The following SCIMP variants were observed in gnomAD, a reference collection of about 807,000 sequenced individuals.
SCIMP encodes the protein SLP adapter and CSK-interacting membrane protein.
In SCIMP, 18 loss-of-function variants were observed where a neutral mutation model predicts 22.0. The observed-to-expected ratio is 0.82, with a 90% CI of 0.56 to 1.21. The LOEUF is 1.21. SCIMP is among the 50% of genes most tolerant of loss of function. The pLI is 0.00. For missense variants in SCIMP, 155 were observed against 171.2 expected (o/e 0.91, Z 0.53); for synonymous variants, 53 against 62.2 (o/e 0.85, Z 0.70).
intron 1 of SCIMP, 130 bp from the exon 2 acceptor site, chr17:5,223,586 A>G: frequency 1.2e-6 from 1 of 826,664 alleles, no homozygotes; most frequent in Non-Finnish European, 2.0e-6. Context: ...TCTGTCGCCC[A>G]GGCTGGAGTG....
chr17:5,214,010 A>G (rs968257592), intron 4 of SCIMP: 5 of 152,222 alleles, frequency 3.3e-5, no homozygotes, highest in Non-Finnish European at 5.9e-5. Context: ...CCTTGTAAGA[A>G]GAAACACCAG....
chr17:5,230,074 G>A (rs74620480), intron 1 of SCIMP, among the ~76,000 whole-genome samples: 5,968 of 151,708 alleles, frequency 0.039, 407 homozygotes, highest in African/African-American at 0.14. Context: ...GTGATCCTCC[G>A]CCCCAGCCTC....
chr17:5,218,305 A>G (rs1009934160), intron 3 of SCIMP, among the ~76,000 whole-genome samples: 1 of 150,798 alleles, frequency 6.6e-6, no homozygotes, highest in East Asian at 2.0e-4. Flanking sequence ...GATTATAGGC[A>G]TGAACCACTG....
chr17:5,229,897 C>T (rs2074681140), intron 1 of SCIMP, among the ~76,000 whole-genome samples: 1 of 149,174 alleles, frequency 6.7e-6, no homozygotes, highest in African/African-American at 2.5e-5. Context: ...CCACTCCTCT[C>T]CTCTCCGGTC....
intron 2 of SCIMP, 81 bp from the exon 3 acceptor site, chr17:5,221,431 T>A: frequency 9.8e-7 from 1 of 1,018,458 alleles, no homozygotes; most frequent in Non-Finnish European, 1.6e-6. Context: ...AAAACACACT[T>A]AGGGACACAG....
At chr17:5,218,019 C>T (rs535971655) in intron 3 of SCIMP, among the ~76,000 whole-genome samples, 13 of 151,980 alleles carry the variant, frequency 8.6e-5, no homozygotes, top group East Asian at 7.8e-4. Context: ...ACTAGTTTAC[C>T]GTCCCACCAA....
chr17:5,227,716 A>G (rs777699420), intron 1 of SCIMP, among the ~76,000 whole-genome samples: 3 of 151,868 alleles, frequency 2.0e-5, no homozygotes, highest in African/African-American at 2.4e-5. Context: ...GCACGCACCA[A>G]CTCCTCCACC....
At chr17:5,218,711 G>T (rs1250558295) in intron 3 of SCIMP, among the ~76,000 whole-genome samples, 1 of 152,162 alleles carries the variant, frequency 6.6e-6, no homozygotes, top group Non-Finnish European at 1.5e-5. Flanking sequence ...TCTTGAAAGG[G>T]ATCAGAATTG....
At position 5,209,519 on chromosome 17, in the gene SCIMP, A is replaced by G. The variant is rs1331380232; in HGVS notation, c.*1282T>C. 6.6e-6 allele frequency: 1 copy of G among 151,918 alleles called. No homozygotes were observed. Among genetic ancestry groups the G allele is most frequent in the Non-Finnish European group, 1.5e-5 (1 of 68,008 alleles). 9.4% of individuals were successfully genotyped at this position (151,918 alleles called of 1,614,324 possible). A position where few individuals can be genotyped will look rare whatever the true frequency, so the allele number is the denominator to read the frequency against. On this transcript the variant is annotated 3_prime_UTR_variant, in exon 5 of 5. Transcript: ENST00000574081. The stretch of plus-strand genomic sequence containing the variant: ...GAAAGCTTGAAAATGGGAGGAACAC[A>G]TTTTCCCATCTCTTGAGGGAAATCT...
chr17:5,221,057 C>CA (rs137985713), intron 3 of SCIMP: 107,432 of 507,654 alleles, frequency 0.21, 3,607 homozygotes, highest in African/African-American at 0.29. Flanking sequence ...GACTCCATCT[C>CA]AAAAAAAAAA....
At chr17:5,230,415 G>C (rs1167046934) in intron 1 of SCIMP, among the ~76,000 whole-genome samples, 1 of 152,194 alleles carries the variant, frequency 6.6e-6, no homozygotes, top group Non-Finnish European at 1.5e-5. Context: ...AAGTTTGCTG[G>C]TAGGAACTGG....
intron 2 of SCIMP, 93 bp downstream of exon 2, chr17:5,223,240 G>T: frequency 1.4e-6 from 2 of 1,383,560 alleles, no homozygotes; most frequent in East Asian, 2.3e-5. Flanking sequence ...GCTCATTCAG[G>T]CCCAGGATTG....
At chr17:5,220,436 A>G (rs899737927) in intron 3 of SCIMP, among the ~76,000 whole-genome samples, 2 of 149,718 alleles carry the variant, frequency 1.3e-5, no homozygotes, top group Non-Finnish European at 3.0e-5. Flanking sequence ...CATCTCCAAA[A>G]AAAAAAAAAA....
At chr17:5,221,790 C>A (rs2585275) in intron 2 of SCIMP, among the ~76,000 whole-genome samples, 72,871 of 151,972 alleles carry the variant, frequency 0.48, 20,101 homozygotes, top group Non-Finnish European at 0.64. Flanking sequence ...TTTCTCCCCC[C>A]AGACAGAGCC....
At chr17:5,222,572 A>G (rs1000750221) in intron 2 of SCIMP, among the ~76,000 whole-genome samples, 3 of 152,216 alleles carry the variant, frequency 2.0e-5, no homozygotes, top group African/African-American at 7.2e-5. Context: ...AGGTAATACC[A>G]GAAAATTCAG....
intron 1 of SCIMP, among the ~76,000 whole-genome samples, chr17:5,229,493 A>G (rs1294460441): frequency 6.9e-6 from 1 of 144,742 alleles, no homozygotes; most frequent in Non-Finnish European, 1.5e-5. Flanking sequence ...TCCCCGGTTC[A>G]AGCAATTCTC....
intron 1 of SCIMP, among the ~76,000 whole-genome samples, chr17:5,227,292 A>ACAAC (rs35959402): frequency 6.9e-6 from 1 of 144,216 alleles, no homozygotes; most frequent in Non-Finnish European, 1.5e-5. Context: ...ACACACACAC[A>ACAAC]ACACACACAC....
chr17:5,234,777 G>A lies in SCIMP; in HGVS notation c.-22C>T. On this transcript the variant is annotated 5_prime_UTR_variant, in exon 1 of 5. Coordinates refer to ENST00000574081, the MANE Select transcript of SCIMP (RefSeq NM_207103.3). The stretch of plus-strand genomic sequence containing the variant: ...CCATATGTGAGCAGCTAAGGAGACA[G>A]CAGTGGCTGGAGTGCTGCAGCTCAG... The A allele has an allele frequency of 3.1e-6, 5 of 1,606,156 alleles. No individual in the cohort carries two copies. The highest frequency in any genetic ancestry group is 4.2e-6 in the Non-Finnish European group (5 of 1,176,618).
intron 1 of SCIMP, among the ~76,000 whole-genome samples, chr17:5,225,323 G>C (rs560764698): frequency 6.6e-6 from 1 of 152,146 alleles, no homozygotes; most frequent in African/African-American, 2.4e-5. Context: ...AAATTAGCTG[G>C]GTGTGGTGGC....
Sources: allele counts gnomAD v4.1 joint callset (sites outside exome capture counted in the v4.1 genomes callset), GRCh38; gene constraint gnomAD v4.1.1; transcripts MANE v1.5; gene names NCBI Gene and HGNC (gene_info 2026-07-23, HGNC 2026-07-21).